Variants in PTPRM observed in about 807,000 individuals in gnomAD.
The protein encoded by PTPRM is protein tyrosine phosphatase receptor type M.
In PTPRM, 47 loss-of-function variants were observed where a neutral mutation model predicts 186.7. That is an observed-to-expected ratio of 0.25 (90% CI 0.20 to 0.32). The LOEUF (loss-of-function observed/expected upper bound fraction) is 0.32, where lower values mean the gene tolerates loss of function less well. Ranked by LOEUF, PTPRM falls within the 10% of genes least tolerant of loss-of-function variation. The pLI, the probability that PTPRM is intolerant of heterozygous loss-of-function variation, is 1.00. For synonymous variants in PTPRM, 668 were observed against 674.9 expected, an observed-to-expected ratio of 0.99 and a Z score of 0.16; for missense variants, 1,494 against 1,865.0, an observed-to-expected ratio of 0.80 and a Z score of 3.66.
chr18:8,388,910 G>A (rs1021408700), intron 31 of PTPRM, among the ~76,000 whole-genome samples: 1 of 152,082 alleles, frequency 6.6e-6, no homozygotes, highest in Non-Finnish European at 1.5e-5. Context: ...GCAGTGAGCC[G>A]AGATGGCGCC....
chr18:8,026,762 G>A (rs2085596697), intron 7 of PTPRM, among the ~76,000 whole-genome samples: 1 of 152,100 alleles, frequency 6.6e-6, no homozygotes, highest in Admixed American at 6.6e-5. Context: ...GGAGGCTGAG[G>A]CAGGAGAATC....
intron 30 of PTPRM, among the ~76,000 whole-genome samples, chr18:8,386,297 GAGAGGC>G (rs1014721428): frequency 1.5e-4 from 23 of 152,276 alleles, no homozygotes; most frequent in Non-Finnish European, 5.9e-5. Context: ...GAAATCAAAT[GAGAGGC>G]AGAGGAAGAG....
intron 19 of PTPRM, among the ~76,000 whole-genome samples, chr18:8,257,128 G>A (rs1454341817): frequency 1.3e-5 from 2 of 152,230 alleles, no homozygotes; most frequent in Non-Finnish European, 2.9e-5. Flanking sequence ...CTGAAGGCCA[G>A]TGGGGTCACC....
chr18:8,095,383 G>A (rs1468194086), intron 11 of PTPRM, among the ~76,000 whole-genome samples: 2 of 152,036 alleles, frequency 1.3e-5, no homozygotes, highest in African/African-American at 4.8e-5. Context: ...AAATGAGAGA[G>A]ACAGGTTGGC....
At chr18:7,741,328 C>G (rs939140055) in intron 1 of PTPRM, 1 of 152,110 alleles carries the variant, frequency 6.6e-6, no homozygotes, top group Non-Finnish European at 1.5e-5. Context: ...GGTCTGTAGC[C>G]GGAAGGTGAC....
intron 19 of PTPRM, among the ~76,000 whole-genome samples, chr18:8,282,863 C>G (rs1475902447): frequency 6.6e-6 from 1 of 152,162 alleles, no homozygotes; most frequent in African/African-American, 2.4e-5. Flanking sequence ...ACTAGACAAA[C>G]TCTAGTACAT....
intron 1 of PTPRM, among the ~76,000 whole-genome samples, chr18:7,626,489 C>A (rs928218309): frequency 2.6e-5 from 4 of 152,078 alleles, no homozygotes; most frequent in African/African-American, 9.7e-5. Context: ...ACATGAGTGA[C>A]CTGAAGAACC....
chr18:8,111,942 G>A (rs1441579915), intron 11 of PTPRM, among the ~76,000 whole-genome samples: 1 of 152,138 alleles, frequency 6.6e-6, no homozygotes, highest in Non-Finnish European at 1.5e-5. Flanking sequence ...TATTCCAGGT[G>A]AGACTTCTTT....
intron 22 of PTPRM, among the ~76,000 whole-genome samples, chr18:8,341,306 A>G (rs1366284383): frequency 6.6e-6 from 1 of 152,212 alleles, no homozygotes; most frequent in Non-Finnish European, 1.5e-5. Flanking sequence ...ACACATGCAT[A>G]CAGACTTACC....
At chr18:8,199,719 T>C (rs112101687) in intron 14 of PTPRM, among the ~76,000 whole-genome samples, 39 of 152,328 alleles carry the variant, frequency 2.6e-4, no homozygotes, top group African/African-American at 9.1e-4. Context: ...TGAGCCTAAA[T>C]AAATCCTACA....
chr18:7,582,453 C>T (rs1205978947), intron 1 of PTPRM, among the ~76,000 whole-genome samples: 1 of 152,146 alleles, frequency 6.6e-6, no homozygotes, highest in Non-Finnish European at 1.5e-5. Context: ...GTTGTCACTT[C>T]CACCTCTTCT....
intron 5 of PTPRM, among the ~76,000 whole-genome samples, chr18:7,942,310 A>G (rs1240660104): frequency 1.3e-5 from 2 of 152,164 alleles, no homozygotes; most frequent in East Asian, 3.9e-4. Flanking sequence ...TATTTAATAC[A>G]AGTTTTACAT....
At chr18:8,197,203 T>G (rs1316639572) in intron 14 of PTPRM, among the ~76,000 whole-genome samples, 1 of 152,212 alleles carries the variant, frequency 6.6e-6, no homozygotes, top group Admixed American at 6.5e-5. Context: ...ATGTTCTATG[T>G]AATGAGGTAA....
At chr18:8,102,562 T>G (rs1012182161) in intron 11 of PTPRM, among the ~76,000 whole-genome samples, 1 of 152,208 alleles carries the variant, frequency 6.6e-6, no homozygotes, top group Non-Finnish European at 1.5e-5. Flanking sequence ...TCCGTTCAAG[T>G]GTGATCATGA....
chr18:7,806,780 C>A (rs2044258615), intron 2 of PTPRM, among the ~76,000 whole-genome samples: 2 of 152,148 alleles, frequency 1.3e-5, no homozygotes, highest in African/African-American at 2.4e-5. Context: ...AATTTATAAT[C>A]TTTGTTTACA....
chr18:8,030,959 G>A (rs1383430926), intron 7 of PTPRM, among the ~76,000 whole-genome samples: 9 of 152,138 alleles, frequency 5.9e-5, no homozygotes, highest in Admixed American at 1.3e-4. Context: ...AAATTTCAAC[G>A]TTGAATACTT....
At chr18:8,378,482 A>T (rs370139661) in intron 27 of PTPRM, 68 bp downstream of exon 27, 1 of 1,551,718 alleles carries the variant, frequency 6.4e-7, no homozygotes, top group Non-Finnish European at 8.8e-7. Context: ...CAAGGTCAGC[A>T]CCTGAGTGAG....
chr18:8,237,824 T>C (rs1333861451), intron 14 of PTPRM, among the ~76,000 whole-genome samples: 1 of 152,172 alleles, frequency 6.6e-6, no homozygotes, highest in East Asian at 1.9e-4. Flanking sequence ...GACACAGAAT[T>C]CTAGGTTGGT....
At chr18:7,793,660 A>G (rs1356834600) in intron 2 of PTPRM, among the ~76,000 whole-genome samples, 1 of 152,090 alleles carries the variant, frequency 6.6e-6, no homozygotes, top group Non-Finnish European at 1.5e-5. Flanking sequence ...AGGATTATTG[A>G]TATGGAAGGG....
Sources: allele counts gnomAD v4.1 joint callset (sites outside exome capture counted in the v4.1 genomes callset), GRCh38; gene constraint gnomAD v4.1.1; transcripts MANE v1.5; gene names NCBI Gene and HGNC (gene_info 2026-07-23, HGNC 2026-07-21).